Variants in FRAS1 observed in about 807,000 individuals in gnomAD.
FRAS1 encodes the protein Fraser extracellular matrix complex subunit 1, also known as extracellular matrix organizing protein FRAS1.
In FRAS1, 290 loss-of-function variants were observed where a neutral mutation model predicts 435.2. The observed-to-expected ratio is 0.67, with a 90% CI of 0.61 to 0.73. The LOEUF is 0.73. FRAS1 is among the 30% of genes least tolerant of loss of function. FRAS1 has a pLI of 0.00. For missense variants in FRAS1, 4,860 were observed against 5,001.5 expected, an observed-to-expected ratio of 0.97 and a Z score of 0.85; for synonymous variants, 1,800 against 1,851.0, an observed-to-expected ratio of 0.97 and a Z score of 0.71.
At chr4:78,116,079 C>A (rs1267379331) in intron 2 of FRAS1, among the ~76,000 whole-genome samples, 1 of 152,152 alleles carries the variant, frequency 6.6e-6, no homozygotes, top group Non-Finnish European at 1.5e-5. Flanking sequence ...GCCTTCATTT[C>A]ATTATGTACC....
intron 32 of FRAS1, among the ~76,000 whole-genome samples, chr4:78,417,853 C>A (rs1242061616): frequency 6.6e-6 from 1 of 152,260 alleles, no homozygotes. Context: ...GCATGTCACA[C>A]TCTAACCCAC....
At chr4:78,433,622 A>T (rs1339047326) in intron 38 of FRAS1, among the ~76,000 whole-genome samples, 1 of 152,216 alleles carries the variant, frequency 6.6e-6, no homozygotes, top group African/African-American at 2.4e-5. Flanking sequence ...GGGAGACTGC[A>T]TTCCACCCTA....
In FRAS1 at chr4:78,307,843, G is replaced by A. The variant is rs566352706; in HGVS notation, c.1535-223G>A. 3.3e-5 allele frequency among the ~76,000 whole-genome samples: 5 copies of A among 152,342 alleles called. No individual in the cohort carries two copies. In the South Asian group the frequency reaches 8.3e-4, roughly 25 times the overall value. ...GCGTTGCTCACGTTGGGAGCTGTAG[G>A]CCGGAGCTGTTCCTATTCGGCCATC... On this transcript the variant is annotated intron_variant, in intron 14 of 73. Coordinates refer to ENST00000512123, the MANE Select transcript of FRAS1 (RefSeq NM_025074.7).
At chr4:78,231,556 G>A (rs1200151933) in intron 2 of FRAS1, among the ~76,000 whole-genome samples, 2 of 151,916 alleles carry the variant, frequency 1.3e-5, no homozygotes, top group African/African-American at 4.8e-5. Context: ...GGTCTAAGAA[G>A]CCAAGGGAAT....
At chr4:78,453,027 C>T (rs1719074259) in intron 47 of FRAS1, among the ~76,000 whole-genome samples, 1 of 148,186 alleles carries the variant, frequency 6.7e-6, no homozygotes, top group South Asian at 2.1e-4. Flanking sequence ...AGATGGGAGG[C>T]ACATTCAAAA....
At chr4:78,340,515 T>C (rs1730353967) in intron 20 of FRAS1, among the ~76,000 whole-genome samples, 1 of 152,210 alleles carries the variant, frequency 6.6e-6, no homozygotes, top group Admixed American at 6.5e-5. Flanking sequence ...CATCAAACAT[T>C]TATGAAGCCT....
intron 18 of FRAS1, among the ~76,000 whole-genome samples, chr4:78,321,505 A>G (rs73827970): frequency 0.013 from 2,035 of 152,298 alleles, 51 homozygotes; most frequent in African/African-American, 0.046. Context: ...CATCCTTGAC[A>G]AAGGGAAGGT....
chr4:78,086,750 C>G lies in FRAS1; in HGVS notation c.108+20734C>G, dbSNP rs1019618288. Among the ~76,000 whole-genome samples, 3 of 151,148 alleles carry G rather than the reference C, an allele frequency of 2.0e-5. No individual in the cohort carries two copies. In the South Asian group the frequency reaches 6.2e-4, roughly 31 times the overall value. Reference sequence around the variant, plus strand: ...GGAAGAAGTTGAATCTCTGAATAAACTAATAGGCTCTGAAATTGCGGCAAT... The same window carrying G: ...GGAAGAAGTTGAATCTCTGAATAAAGTAATAGGCTCTGAAATTGCGGCAAT... On this transcript the variant is annotated intron_variant, in intron 2 of 73. Transcript: ENST00000512123.
chr4:78,310,438 A>G (rs1481721616), intron 15 of FRAS1, among the ~76,000 whole-genome samples: 1 of 152,214 alleles, frequency 6.6e-6, no homozygotes, highest in Non-Finnish European at 1.5e-5. Context: ...GGAGGCTGTA[A>G]GAGGTGGGAA....
At chr4:78,185,272 T>C (rs1038576734) in intron 2 of FRAS1, among the ~76,000 whole-genome samples, 1 of 152,232 alleles carries the variant, frequency 6.6e-6, no homozygotes, top group Non-Finnish European at 1.5e-5. Context: ...GAAAGGCAAG[T>C]CAACTGACTG....
intron 2 of FRAS1, among the ~76,000 whole-genome samples, chr4:78,129,859 A>G (rs991961300): frequency 6.6e-6 from 1 of 151,162 alleles, no homozygotes; most frequent in Admixed American, 6.6e-5. Flanking sequence ...CCAACTCTCC[A>G]TTTTCTCAGC....
At chr4:78,237,692 A>G in intron 3 of FRAS1, 75 bp downstream of exon 3, 1 of 667,326 alleles carries the variant, frequency 1.5e-6, no homozygotes, top group Non-Finnish European at 2.4e-6. Flanking sequence ...CATTTCAGAC[A>G]TCTGTTTTTG....
intron 9 of FRAS1, among the ~76,000 whole-genome samples, chr4:78,276,509 G>C (rs928175875): frequency 1.3e-5 from 2 of 152,078 alleles, no homozygotes; most frequent in Non-Finnish European, 2.9e-5. Flanking sequence ...GATGTCCTTT[G>C]CGTTTATTAG....
At chr4:78,081,645 G>A (rs1740901951) in intron 2 of FRAS1, among the ~76,000 whole-genome samples, 1 of 152,240 alleles carries the variant, frequency 6.6e-6, no homozygotes, top group African/African-American at 2.4e-5. Flanking sequence ...AGCTTTCCCA[G>A]CCCCTCTGTG....
chr4:78,093,715 A>G (rs1741645930), intron 2 of FRAS1, among the ~76,000 whole-genome samples: 1 of 152,202 alleles, frequency 6.6e-6, no homozygotes. Flanking sequence ...TAACATCTGA[A>G]GATACAAAGC....
intron 67 of FRAS1, among the ~76,000 whole-genome samples, chr4:78,521,320 A>G (rs1388253801): frequency 6.6e-6 from 1 of 151,928 alleles, no homozygotes; most frequent in African/African-American, 2.4e-5. Flanking sequence ...TGGAACCATT[A>G]CAAAAAAAAA....
intron 47 of FRAS1, among the ~76,000 whole-genome samples, chr4:78,454,503 C>T (rs139164754): frequency 2.0e-4 from 31 of 152,272 alleles, no homozygotes; most frequent in African/African-American, 5.8e-4. Context: ...CCTTTTTGTC[C>T]GTAAGTTCCT....
chr4:78,400,371 G>A (rs1304056731), intron 29 of FRAS1, among the ~76,000 whole-genome samples: 1 of 152,132 alleles, frequency 6.6e-6, no homozygotes, highest in African/African-American at 2.4e-5. Context: ...CGGGCCTCTA[G>A]CAATGGAGCT....
Position 78,337,591 on chromosome 4 carries a change from G to A in FRAS1, c.2279-83G>A, listed in dbSNP as rs2110265576. On this transcript the variant is annotated intron_variant, in intron 19 of 73. Coordinates refer to ENST00000512123, the MANE Select transcript of FRAS1 (RefSeq NM_025074.7). ...TTAGAGTTGGAGGTCTGCTTTTAAT[G>A]TAATTTGTGGAATGCATTAAATACT... 12 of 1,453,568 alleles carry A rather than the reference G, an allele frequency of 8.3e-6. No homozygotes were observed. The South Asian group carries it at 1.3e-4, about 16-fold the overall frequency. The allele number at this position is 1,453,568 out of a possible 1,614,324, so 90.0% of individuals were successfully genotyped here. A position where few individuals can be genotyped will look rare whatever the true frequency, so the allele number is the denominator to read the frequency against.
Sources: allele counts gnomAD v4.1 joint callset (sites outside exome capture counted in the v4.1 genomes callset), GRCh38; gene constraint gnomAD v4.1.1; transcripts MANE v1.5; gene names NCBI Gene and HGNC (gene_info 2026-07-23, HGNC 2026-07-21).